The following KIF5C variants were observed in gnomAD, a reference collection of about 807,000 sequenced individuals.
KIF5C encodes the protein kinesin heavy chain isoform 5C.
KIF5C carries 18 observed loss-of-function variants against 125.2 expected under a neutral mutation model. That is an observed-to-expected ratio of 0.14 (90% confidence interval 0.10 to 0.21). KIF5C has a LOEUF of 0.21. Among genes scored for constraint, KIF5C ranks in the 10% least tolerant of loss-of-function variants. The probability of loss-of-function intolerance (pLI) is 1.00; values close to 1 mark genes in which losing one functional copy is unlikely to be tolerated. For synonymous variants in KIF5C, 405 were observed against 434.0 expected (o/e 0.93, Z 0.83); for missense variants, 780 against 1,183.8 (o/e 0.66, Z 5.01).
chr2:148,970,629 T>G (rs1306298179), intron 11 of KIF5C, among the ~76,000 whole-genome samples: 1 of 152,218 alleles, frequency 6.6e-6, no homozygotes, highest in Non-Finnish European at 1.5e-5. Flanking sequence ...TTGTTGAATC[T>G]CTGCCATCTG....
rs778863345 is a variant in KIF5C, at chr2:148,883,369, C to T, written c.126+7626C>T. On this transcript the variant is annotated intron_variant, in intron 1 of 25. Transcript: ENST00000435030. ...ACAAAAAATTAGCCAGGCATGGTGG[C>T]GGGCACCTGTAGTCCCAGCTACTTG... Among the ~76,000 whole-genome samples, 5 of 151,994 alleles carry T rather than the reference C, an allele frequency of 3.3e-5. 1 individual carries two copies. The South Asian group carries it at 8.3e-4, about 25-fold the overall frequency.
At chr2:148,890,017 G>A (rs1681660038) in intron 1 of KIF5C, among the ~76,000 whole-genome samples, 1 of 152,146 alleles carries the variant, frequency 6.6e-6, no homozygotes, top group African/African-American at 2.4e-5. Context: ...AGTACAAAAT[G>A]CTGCTCTTTA....
chr2:148,930,791 C>T (rs1466638866), intron 3 of KIF5C, among the ~76,000 whole-genome samples: 2 of 152,156 alleles, frequency 1.3e-5, no homozygotes, highest in Non-Finnish European at 2.9e-5. Flanking sequence ...TTTATCACTT[C>T]TTTCTGACTA....
chr2:149,017,952 C>A (rs1682415318), intron 25 of KIF5C, among the ~76,000 whole-genome samples: 1 of 151,962 alleles, frequency 6.6e-6, no homozygotes, highest in Non-Finnish European at 1.5e-5. Context: ...GCAATGCGAC[C>A]CCGGAGTGCG....
intron 16 of KIF5C, among the ~76,000 whole-genome samples, chr2:148,993,362 C>T (rs748706922): frequency 6.6e-6 from 1 of 152,222 alleles, no homozygotes; most frequent in Non-Finnish European, 1.5e-5. Context: ...CTTTCTGCAT[C>T]AGCAACAAAC....
intron 3 of KIF5C, among the ~76,000 whole-genome samples, chr2:148,932,754 C>T (rs190609864): frequency 2.1e-3 from 325 of 152,304 alleles, no homozygotes; most frequent in African/African-American, 7.6e-3. Flanking sequence ...CCAGCCGTCC[C>T]GCCAAGCCTG....
At chr2:148,894,496 GGAAATGTCT>G (rs1218928280) in intron 1 of KIF5C, among the ~76,000 whole-genome samples, 1 of 152,056 alleles carries the variant, frequency 6.6e-6, no homozygotes, top group Non-Finnish European at 1.5e-5. Context: ...GCTCTGAAAG[GGAAATGTCT>G]GTAATTTACC....
At chr2:148,985,802 C>T (rs913956724) in intron 15 of KIF5C, among the ~76,000 whole-genome samples, 8 of 152,110 alleles carry the variant, frequency 5.3e-5, no homozygotes, top group African/African-American at 1.9e-4. Flanking sequence ...TGTTGAAAGC[C>T]GTTTTTGGAT....
At chr2:148,939,209 A>C (rs916964047) in intron 4 of KIF5C, among the ~76,000 whole-genome samples, 1 of 152,184 alleles carries the variant, frequency 6.6e-6, no homozygotes, top group Non-Finnish European at 1.5e-5. Flanking sequence ...ATACCTTTTC[A>C]ATTATATTAA....
At chr2:149,005,352 T>G in intron 21 of KIF5C, 41 bp from the exon 22 acceptor site, 3 of 1,603,154 alleles carry the variant, frequency 1.9e-6, no homozygotes, top group Non-Finnish European at 2.6e-6. Context: ...ATAAATTCAG[T>G]GAATTGCTGC....
rs747684286 is a variant in KIF5C at position 148,894,643 on chromosome 2, C to A, written c.126+18900C>A. Reference sequence around the variant, plus strand: ...ATTACAACCCTGTAGCAATTATTTTCATTTCAAAAGAGGGCAAGTTATTTT... The same window carrying A: ...ATTACAACCCTGTAGCAATTATTTTAATTTCAAAAGAGGGCAAGTTATTTT... On this transcript the variant is annotated intron_variant, in intron 1 of 25. Transcript: ENST00000435030. Among the ~76,000 whole-genome samples the A allele has an allele frequency of 4.0e-5, 6 of 151,860 alleles. No homozygotes were observed. In the South Asian group the frequency reaches 1.0e-3, roughly 26 times the overall value.
chr2:148,932,718 G>A (rs1682206646), intron 3 of KIF5C, among the ~76,000 whole-genome samples: 3 of 152,190 alleles, frequency 2.0e-5, no homozygotes, highest in Admixed American at 2.0e-4. Context: ...GAGACGCTTG[G>A]AGGTCATCTG....
At chr2:148,891,065 T>C (rs756310436) in intron 1 of KIF5C, among the ~76,000 whole-genome samples, 118 of 152,186 alleles carry the variant, frequency 7.8e-4, no homozygotes, top group Non-Finnish European at 1.3e-3. Context: ...TCTGTTGGTA[T>C]AGATGTTCCC....
chr2:149,007,997 G>A lies in KIF5C; in HGVS notation c.2480G>A (p.Ser827Asn), dbSNP rs372719113. The change falls in exon 23 of 26, where the codon AGT (serine) becomes AAT (asparagine). Residue 827 changes from serine to asparagine, a missense_variant. Ser to Asn is a conservative substitution (Grantham distance 46, BLOSUM62 1). Coordinates refer to ENST00000435030, the MANE Select transcript of KIF5C (RefSeq NM_004522.3). Reference protein sequence around the residue: ...VELDNDDGGGSAAQKQKISFL... With the variant: ...VELDNDDGGGNAAQKQKISFL... ...TTGGACAACGATGATGGAGGGGGCAGTGCTGCCCAGAAGCAGAAAATTTCC... is the reference window on the plus strand; with the variant it reads ...TTGGACAACGATGATGGAGGGGGCAATGCTGCCCAGAAGCAGAAAATTTCC... The A allele has an allele frequency of 6.2e-6, 10 of 1,611,290 alleles. No individual in the cohort carries two copies. In the African/African-American group the frequency reaches 1.3e-4, roughly 21 times the overall value.
intron 7 of KIF5C, among the ~76,000 whole-genome samples, chr2:148,943,596 A>G (rs9711441): frequency 0.15 from 22,233 of 152,098 alleles, 2,323 homozygotes; most frequent in African/African-American, 0.29. Flanking sequence ...CCATCTCAAT[A>G]CTTAGAATAC....
chr2:148,887,234 C>T (rs1338876824), intron 1 of KIF5C, among the ~76,000 whole-genome samples: 3 of 152,104 alleles, frequency 2.0e-5, no homozygotes, highest in African/African-American at 7.2e-5. Context: ...AAATGAATTT[C>T]ACCTCTTTCT....
chr2:148,927,837 C>T lies in KIF5C; in HGVS notation c.218-1444C>T, dbSNP rs570951900. On this transcript the variant is annotated intron_variant, in intron 2 of 25. Coordinates refer to ENST00000435030, the MANE Select transcript of KIF5C (RefSeq NM_004522.3). Reference sequence around the variant, plus strand: ...TGCTTCCCACTGTTAGCAGGGGAGCCATTAGCCGAAATCTGATATGTATGA... The same window carrying T: ...TGCTTCCCACTGTTAGCAGGGGAGCTATTAGCCGAAATCTGATATGTATGA... Among the ~76,000 whole-genome samples the T allele has an allele frequency of 3.9e-5, 6 of 152,126 alleles. No individual in the cohort carries two copies. In the South Asian group the frequency reaches 1.2e-3, roughly 32 times the overall value.
chr2:148,883,911 G>T (rs748055955), intron 1 of KIF5C: 1 of 151,990 alleles, frequency 6.6e-6, no homozygotes, highest in Non-Finnish European at 1.5e-5. Flanking sequence ...CTGGGTAAAA[G>T]GATATACGAG....
chr2:148,981,153 A>C (rs1681224687), intron 13 of KIF5C, among the ~76,000 whole-genome samples: 1 of 152,218 alleles, frequency 6.6e-6, no homozygotes, highest in Admixed American at 6.5e-5. Flanking sequence ...CACACAAAAC[A>C]GATTTTTGCA....
Sources: gnomAD v4.1 joint callset for allele counts (sites outside exome capture counted in the v4.1 genomes callset) on GRCh38, gnomAD v4.1.1 for gene constraint, MANE v1.5 for transcripts, NCBI Gene and HGNC (gene_info 2026-07-23, HGNC 2026-07-21) for gene names.